NEBL: variants seen among roughly 807,000 people sequenced by gnomAD.
NEBL encodes the protein LIM and SH3 protein 2.
Under a neutral mutation model 140.2 loss-of-function variants are expected in NEBL, and 122 were observed. That is an observed-to-expected ratio of 0.87 (90% CI 0.75 to 1.01). The LOEUF is 1.01. Ranked by LOEUF, NEBL falls within the 50% of genes least tolerant of loss-of-function variation. The pLI is 0.00. For missense variants in NEBL, 1,365 were observed against 1,231.3 expected (o/e 1.11, Z -1.62); for synonymous variants, 436 against 398.9 (o/e 1.09, Z -1.11).
intron 2 of NEBL, among the ~76,000 whole-genome samples, chr10:21,077,433 C>G (rs1267877934): frequency 6.6e-6 from 1 of 151,912 alleles, no homozygotes; most frequent in Non-Finnish European, 1.5e-5. Context: ...TGGTGAAACC[C>G]CATCTCTACT....
intron 4 of NEBL, among the ~76,000 whole-genome samples, chr10:20,943,703 C>A (rs937194955): frequency 2.0e-5 from 3 of 152,208 alleles, no homozygotes; most frequent in African/African-American, 7.2e-5. Context: ...AGCCAACTTC[C>A]TTTGCTTTTA....
chr10:20,823,075 C>G lies in NEBL; in HGVS notation c.1962+133G>C, dbSNP rs113083361. 8.8e-5 allele frequency: 57 copies of G among 649,176 alleles called. No individual in the cohort carries two copies. The African/African-American group carries it at 9.3e-4, about 11-fold the overall frequency. 40.2% of individuals were successfully genotyped at this position (649,176 alleles called of 1,614,324 possible). A position where few individuals can be genotyped will look rare whatever the true frequency, so the allele number is the denominator to read the frequency against. Reference sequence around the variant, plus strand: ...GGCATACAGATGTGTAAAATGCTAGCTCCACTTTTAAGGAACCGATCCTCT... The same window carrying G: ...GGCATACAGATGTGTAAAATGCTAGGTCCACTTTTAAGGAACCGATCCTCT... On this transcript the variant is annotated intron_variant, in intron 19 of 27. Transcript: ENST00000377122.
chr10:20,885,694 T>C (rs1846453424), intron 4 of NEBL, among the ~76,000 whole-genome samples: 1 of 152,248 alleles, frequency 6.6e-6, no homozygotes, highest in Non-Finnish European at 1.5e-5. Flanking sequence ...CCCAAGGAAG[T>C]ATAAAAGCAA....
In NEBL at chr10:20,784,254, C is replaced by A. The variant is rs576321515; in HGVS notation, c.*1493G>T. ...CCACCCCGTTGCAGGTCACAGTAAA[C>A]GGCACAATCAGAAAAACACAGGGTT... On this transcript the variant is annotated 3_prime_UTR_variant, in exon 28 of 28. Coordinates refer to ENST00000377122, the MANE Select transcript of NEBL (RefSeq NM_006393.3). The A allele has an allele frequency of 6.6e-6, 1 of 152,120 alleles. No individual in the cohort carries two copies. The highest frequency in any genetic ancestry group is 1.5e-5 in the Non-Finnish European group (1 of 68,026). The allele number at this position is 152,120 out of a possible 1,614,324, so 9.4% of individuals were successfully genotyped here. A position where few individuals can be genotyped will look rare whatever the true frequency, so the allele number is the denominator to read the frequency against.
At chr10:20,809,949 GGA>G in intron 24 of NEBL, 51 bp from the exon 25 acceptor site, 11 of 586,410 alleles carry the variant, frequency 1.9e-5, no homozygotes, top group Admixed American at 7.5e-5. Context: ...ATTTAAAAAA[GGA>G]AAAAAAAAAA....
At chr10:21,079,516 T>G (rs559955873) in intron 2 of NEBL, among the ~76,000 whole-genome samples, 2 of 152,282 alleles carry the variant, frequency 1.3e-5, no homozygotes, top group African/African-American at 4.8e-5. Context: ...AGCTTCAACC[T>G]TTTCTCCAAG....
chr10:21,265,566 C>T (rs1842788539), intron 1 of NEBL, among the ~76,000 whole-genome samples: 1 of 152,108 alleles, frequency 6.6e-6, no homozygotes, highest in South Asian at 2.1e-4. Context: ...AATTCAAGGG[C>T]ACATAGTTTA....
chr10:21,288,820 G>GTGTATATATATATATATATATA (rs1477748950), intron 1 of NEBL, among the ~76,000 whole-genome samples: 9 of 35,008 alleles, frequency 2.6e-4, no homozygotes, highest in African/African-American at 8.7e-4. Context: ...GTGTGTGTGT[G>GTGTATATATATATATATATATA]TATATATATA....
chr10:21,263,193 A>G (rs1367771837), intron 1 of NEBL, among the ~76,000 whole-genome samples: 1 of 152,210 alleles, frequency 6.6e-6, no homozygotes, highest in Non-Finnish European at 1.5e-5. Context: ...TAATCCTCAT[A>G]CCACTTGAGG....
In NEBL at chr10:21,020,883, G is replaced by A. The variant is rs542321984; in HGVS notation, c.165-682C>T. 2.6e-5 allele frequency among the ~76,000 whole-genome samples: 4 copies of A among 152,186 alleles called. No homozygotes were observed. The East Asian group carries it at 7.7e-4, about 29-fold the overall frequency. ...TTCTCAGTCTACACCATCACCTGGG[G>A]ATCACATCATTCCCACAGCTTTGGG... On this transcript the variant is annotated intron_variant, in intron 2 of 6. Coordinates refer to the NEBL transcript ENST00000417816.
chr10:21,251,935 C>A (rs1425837155), intron 1 of NEBL, among the ~76,000 whole-genome samples: 2 of 152,124 alleles, frequency 1.3e-5, no homozygotes, highest in Non-Finnish European at 2.9e-5. Flanking sequence ...CAAGATAAAG[C>A]CTTCTCAGCT....
At chr10:20,991,262 C>A (rs1296599128) in intron 3 of NEBL, among the ~76,000 whole-genome samples, 2 of 150,360 alleles carry the variant, frequency 1.3e-5, no homozygotes, top group South Asian at 2.1e-4. Flanking sequence ...CTGTCAAGCC[C>A]TCAAAAAAAA....
chr10:20,800,244 T>G (rs909919138), intron 26 of NEBL, among the ~76,000 whole-genome samples: 1 of 152,108 alleles, frequency 6.6e-6, no homozygotes, highest in African/African-American at 2.4e-5. Context: ...TATGTCTGGC[T>G]TATTTCACTT....
In NEBL at chr10:21,003,599, A is replaced by G. The variant is rs149264293; in HGVS notation, c.249+16518T>C. On this transcript the variant is annotated intron_variant, in intron 3 of 6. Transcript: ENST00000417816. ...CTACATCTGAAACCAACTCTATTCA[A>G]TCAATGATTATTGACTGAGGGATGA... Among the ~76,000 whole-genome samples, 833 of 152,278 alleles carry G rather than the reference A, an allele frequency of 5.5e-3. 5 individuals are homozygous for G. Among genetic ancestry groups the G allele is most frequent in the Middle Eastern group, 0.017 (5 of 294 alleles).
At chr10:20,987,937 A>G (rs1472084269) in intron 3 of NEBL, among the ~76,000 whole-genome samples, 1 of 152,178 alleles carries the variant, frequency 6.6e-6, no homozygotes, top group Non-Finnish European at 1.5e-5. Context: ...CTTATATTCC[A>G]TGGTACAGCA....
Position 20,782,687 on chromosome 10 carries a change from C to G in NEBL, c.*3060G>C, listed in dbSNP as rs1161679711. The G allele has an allele frequency of 6.6e-6, 1 of 152,124 alleles. No individual in the cohort carries two copies. The allele number at this position is 152,124 out of a possible 1,614,324, so 9.4% of individuals were successfully genotyped here. ...TGTGGTGTATGGAGGTCGAGGAGAC[C>G]TGGGATCATCAAGAGCCTCCTCCAT... On this transcript the variant is annotated 3_prime_UTR_variant, in exon 28 of 28. Coordinates refer to ENST00000377122, the MANE Select transcript of NEBL (RefSeq NM_006393.3).
chr10:21,039,531 G>A (rs1026184721), intron 2 of NEBL, among the ~76,000 whole-genome samples: 11 of 152,158 alleles, frequency 7.2e-5, no homozygotes, highest in African/African-American at 2.4e-4. Context: ...GATGGTTATA[G>A]CTGTAAAAAT....
chr10:20,915,663 C>T (rs1346002079), intron 4 of NEBL, among the ~76,000 whole-genome samples: 2 of 151,786 alleles, frequency 1.3e-5, no homozygotes, highest in African/African-American at 2.4e-5. Flanking sequence ...CATTGTTGGA[C>T]ATTTGGGTTG....
chr10:20,874,349 G>A lies in NEBL; in HGVS notation c.481-4508C>T, dbSNP rs1451706354. ...TCCTGCCAGATACCCCATCCATTTG[G>A]AAACCATGATTAATGAAATCGGACA... is the stretch of plus-strand genomic sequence containing the variant. On this transcript the variant is annotated intron_variant, in intron 5 of 27. Coordinates refer to ENST00000377122, the MANE Select transcript of NEBL (RefSeq NM_006393.3). Among the ~76,000 whole-genome samples the A allele has an allele frequency of 3.3e-5, 5 of 152,248 alleles. No individual in the cohort carries two copies. In the East Asian group the frequency reaches 9.7e-4, roughly 29 times the overall value.
Sources: allele counts gnomAD v4.1 joint callset (sites outside exome capture counted in the v4.1 genomes callset), GRCh38; gene constraint gnomAD v4.1.1; transcripts MANE v1.5; gene names NCBI Gene and HGNC (gene_info 2026-07-23, HGNC 2026-07-21).